Variants in IQSEC1 observed in about 807,000 individuals in gnomAD.
The protein encoded by IQSEC1 is IQ motif and SEC7 domain-containing protein 1.
A neutral mutation model predicts 91.0 loss-of-function variants in IQSEC1; 31 were observed. That is an observed-to-expected ratio of 0.34 (90% CI 0.26 to 0.46). The LOEUF is 0.46. Among genes scored for constraint, IQSEC1 ranks in the 20% least tolerant of loss-of-function variants. The pLI is 1.00. For missense variants in IQSEC1, 1,388 were observed against 1,575.6 expected, an observed-to-expected ratio of 0.88 and a Z score of 2.02; for synonymous variants, 699 against 662.6, an observed-to-expected ratio of 1.05 and a Z score of -0.84.
chr3:13,127,513 C>T (rs1706537405), intron 2 of IQSEC1, among the ~76,000 whole-genome samples: 1 of 151,992 alleles, frequency 6.6e-6, no homozygotes, highest in Non-Finnish European at 1.5e-5. Context: ...ATCATACTGT[C>T]TTGATTATTG....
At chr3:13,190,489 A>T (rs1021722213) in intron 1 of IQSEC1, among the ~76,000 whole-genome samples, 4 of 151,594 alleles carry the variant, frequency 2.6e-5, no homozygotes, top group Non-Finnish European at 5.9e-5. Flanking sequence ...CCAGGAGGTC[A>T]AGGCTGCAGT....
At chr3:13,186,641 G>A (rs1226104707) in intron 1 of IQSEC1, among the ~76,000 whole-genome samples, 2 of 152,198 alleles carry the variant, frequency 1.3e-5, no homozygotes, top group East Asian at 1.9e-4. Flanking sequence ...AGATCTGGAT[G>A]CACAGACGGG....
intron 1 of IQSEC1, among the ~76,000 whole-genome samples, chr3:13,176,233 C>A (rs964268769): frequency 1.3e-5 from 2 of 152,182 alleles, no homozygotes; most frequent in Admixed American, 6.5e-5. Context: ...ATGACTATAG[C>A]CCCCACCCTG....
chr3:12,945,422 A>C (rs1387253637), intron 1 of IQSEC1, among the ~76,000 whole-genome samples: 2 of 151,662 alleles, frequency 1.3e-5, no homozygotes, highest in East Asian at 3.9e-4. Context: ...GGGGGTCATC[A>C]GTTTAATCCC....
chr3:13,137,822 G>C (rs753297712), intron 2 of IQSEC1, among the ~76,000 whole-genome samples: 15 of 152,038 alleles, frequency 9.9e-5, no homozygotes, highest in Non-Finnish European at 2.2e-4. Flanking sequence ...AACATGGTGA[G>C]ACCCATCTCT....
intron 2 of IQSEC1, among the ~76,000 whole-genome samples, chr3:13,130,703 G>A (rs1429245878): frequency 1.3e-5 from 2 of 151,922 alleles, no homozygotes; most frequent in African/African-American, 2.4e-5. Flanking sequence ...TTGGGAGGCT[G>A]AGGCAGGTGG....
chr3:12,923,743 G>A (rs758275519), intron 4 of IQSEC1, among the ~76,000 whole-genome samples: 10 of 152,230 alleles, frequency 6.6e-5, no homozygotes, highest in South Asian at 2.1e-4. Context: ...GTGAGGCCTC[G>A]TGCTCCAGGG....
intron 1 of IQSEC1, among the ~76,000 whole-genome samples, chr3:12,975,443 T>C (rs1398417137): frequency 1.3e-5 from 2 of 152,212 alleles, no homozygotes; most frequent in East Asian, 1.9e-4. Flanking sequence ...CCAGGCACTT[T>C]ACAGAAGTGT....
intron 1 of IQSEC1, among the ~76,000 whole-genome samples, chr3:13,042,040 C>T (rs1704292163): frequency 6.6e-6 from 1 of 152,230 alleles, no homozygotes; most frequent in Admixed American, 6.5e-5. Flanking sequence ...CAGTGCCTGG[C>T]CACAGAGCAG....
intron 6 of IQSEC1, 44 bp downstream of exon 6, chr3:12,920,386 G>A: frequency 6.2e-7 from 1 of 1,601,524 alleles, no homozygotes; most frequent in East Asian, 2.2e-5. Flanking sequence ...TGGGGCAGGT[G>A]CTGGAGCAAA....
intron 1 of IQSEC1, among the ~76,000 whole-genome samples, chr3:12,942,941 G>A (rs897917058): frequency 6.6e-6 from 1 of 152,224 alleles, no homozygotes; most frequent in Non-Finnish European, 1.5e-5. Context: ...CCTACGCCCT[G>A]ATCCCCGACT....
At chr3:13,136,936 A>C (rs1706721740) in intron 2 of IQSEC1, among the ~76,000 whole-genome samples, 1 of 152,220 alleles carries the variant, frequency 6.6e-6, no homozygotes, top group Admixed American at 6.5e-5. Context: ...CAGGAGTTCA[A>C]GACCAGCCTG....
At chr3:12,962,425 G>C (rs1281986746) in intron 1 of IQSEC1, among the ~76,000 whole-genome samples, 1 of 152,250 alleles carries the variant, frequency 6.6e-6, no homozygotes, top group African/African-American at 2.4e-5. Flanking sequence ...GGTCTGGGCA[G>C]CAGGGGATTT....
chr3:12,911,255 C>T (rs1386808724), intron 10 of IQSEC1, among the ~76,000 whole-genome samples: 1 of 152,236 alleles, frequency 6.6e-6, no homozygotes, highest in Admixed American at 6.5e-5. Flanking sequence ...CTTCCGCGGA[C>T]ACTCATGGGT....
At position 13,174,680 on chromosome 3, in the gene IQSEC1, G is replaced by A. The variant is rs937332915; in HGVS notation, c.273-10547C>T. Among the ~76,000 whole-genome samples, 14 of 152,198 alleles carry A rather than the reference G, an allele frequency of 9.2e-5. No homozygotes were observed. In the South Asian group the frequency reaches 1.7e-3, roughly 18 times the overall value. Reference sequence around the variant, plus strand: ...CTCTAACAGTAGCAGGTGTGTCCTCGTGGGTCCCCAGCTCCATGTCACCCC... The same window carrying A: ...CTCTAACAGTAGCAGGTGTGTCCTCATGGGTCCCCAGCTCCATGTCACCCC... On this transcript the variant is annotated intron_variant, in intron 1 of 15. Transcript: ENST00000648114.
chr3:13,278,879 AG>A (rs1695740320), intron 1 of IQSEC1, among the ~76,000 whole-genome samples: 1 of 152,146 alleles, frequency 6.6e-6, no homozygotes, highest in Admixed American at 6.5e-5. Flanking sequence ...AGACCATCTG[AG>A]TACAAATCCT....
At chr3:12,981,691 G>A (rs1701471157) in intron 1 of IQSEC1, among the ~76,000 whole-genome samples, 1 of 152,192 alleles carries the variant, frequency 6.6e-6, no homozygotes, top group Non-Finnish European at 1.5e-5. Flanking sequence ...TGTAGAATTA[G>A]CTGTGAAATC....
At chr3:13,221,485 A>C (rs1694659227) in intron 1 of IQSEC1, among the ~76,000 whole-genome samples, 1 of 152,294 alleles carries the variant, frequency 6.6e-6, no homozygotes, top group South Asian at 2.1e-4. Flanking sequence ...GGCCAAGTAG[A>C]GGGCCCCCAC....
upstream of IQSEC1, among the ~76,000 whole-genome samples, chr3:13,074,910 A>G (rs1705538875): frequency 6.6e-6 from 1 of 152,242 alleles, no homozygotes; most frequent in Non-Finnish European, 1.5e-5. Flanking sequence ...TTGCACAGCA[A>G]AGAGTGGCAG....
Sources: gnomAD v4.1 joint callset for allele counts (sites outside exome capture counted in the v4.1 genomes callset) on GRCh38, gnomAD v4.1.1 for gene constraint, MANE v1.5 for transcripts, NCBI Gene and HGNC (gene_info 2026-07-23, HGNC 2026-07-21) for gene names.